Variants in ARHGAP10 observed in about 807,000 individuals in gnomAD.
The protein encoded by ARHGAP10 is Rho GTPase activating protein 10.
A neutral mutation model predicts 108.6 loss-of-function variants in ARHGAP10; 87 were observed. The observed-to-expected ratio is 0.80, with a 90% CI of 0.67 to 0.96. The LOEUF (loss-of-function observed/expected upper bound fraction) is 0.96, where lower values mean the gene tolerates loss of function less well. Among genes scored for constraint, ARHGAP10 ranks in the 40% least tolerant of loss-of-function variants. The pLI, the probability that ARHGAP10 is intolerant of heterozygous loss-of-function variation, is 0.00. For missense variants in ARHGAP10, 939 were observed against 954.5 expected, an observed-to-expected ratio of 0.98 and a Z score of 0.21; for synonymous variants, 347 against 341.1, an observed-to-expected ratio of 1.02 and a Z score of -0.19.
At chr4:147,994,023 C>A (rs1166586234) in intron 18 of ARHGAP10, among the ~76,000 whole-genome samples, 3 of 152,146 alleles carry the variant, frequency 2.0e-5, no homozygotes, top group Admixed American at 2.0e-4. Context: ...AATTAACTTG[C>A]CCAAGGTCAC....
chr4:148,017,993 C>T (rs1296500223), intron 18 of ARHGAP10, among the ~76,000 whole-genome samples: 1 of 152,116 alleles, frequency 6.6e-6, no homozygotes, highest in African/African-American at 2.4e-5. Flanking sequence ...ATCTGTCACT[C>T]TGAACAGCGG....
At chr4:147,828,810 T>A (rs1229848052) in intron 3 of ARHGAP10, among the ~76,000 whole-genome samples, 1 of 152,216 alleles carries the variant, frequency 6.6e-6, no homozygotes, top group Non-Finnish European at 1.5e-5. Flanking sequence ...AAAGTCAGTG[T>A]TTCCCTCCAC....
At chr4:147,793,389 G>A (rs1731199255) in intron 1 of ARHGAP10, among the ~76,000 whole-genome samples, 1 of 151,600 alleles carries the variant, frequency 6.6e-6, no homozygotes, top group South Asian at 2.1e-4. Context: ...ATGTGCCAGT[G>A]AAGAAAGAAC....
chr4:148,024,848 A>G (rs370487043), intron 19 of ARHGAP10, among the ~76,000 whole-genome samples: 4 of 152,220 alleles, frequency 2.6e-5, no homozygotes, highest in Non-Finnish European at 4.4e-5. Flanking sequence ...TGGAAGTGTT[A>G]ATAAATAGTG....
At chr4:147,746,481 A>C (rs935006488) in intron 1 of ARHGAP10, among the ~76,000 whole-genome samples, 6 of 148,702 alleles carry the variant, frequency 4.0e-5, no homozygotes, top group African/African-American at 1.5e-4. Flanking sequence ...GCTCACTGCA[A>C]CCTCCACCTC....
chr4:147,983,628 A>G (rs1739918388), intron 18 of ARHGAP10, among the ~76,000 whole-genome samples: 1 of 151,770 alleles, frequency 6.6e-6, no homozygotes, highest in South Asian at 2.1e-4. Context: ...AAATTCCTAT[A>G]GTGAATTTTT....
intron 1 of ARHGAP10, among the ~76,000 whole-genome samples, chr4:147,751,988 C>T (rs1248565334): frequency 1.3e-5 from 2 of 151,086 alleles, no homozygotes; most frequent in Admixed American, 1.3e-4. Flanking sequence ...CAGGTTCAAG[C>T]AATTCTCCTG....
chr4:147,834,389 A>G (rs1227914429), intron 3 of ARHGAP10, among the ~76,000 whole-genome samples: 1 of 152,118 alleles, frequency 6.6e-6, no homozygotes, highest in Non-Finnish European at 1.5e-5. Flanking sequence ...GGATTGCTTG[A>G]GCCTGGGAGG....
chr4:147,926,704 G>A (rs1387114039), intron 13 of ARHGAP10, among the ~76,000 whole-genome samples: 1 of 152,068 alleles, frequency 6.6e-6, no homozygotes, highest in Non-Finnish European at 1.5e-5. Flanking sequence ...GATGATGAGA[G>A]GAAGAAGAAT....
intron 3 of ARHGAP10, among the ~76,000 whole-genome samples, chr4:147,830,247 C>T (rs1049618485): frequency 6.6e-6 from 1 of 152,126 alleles, no homozygotes; most frequent in East Asian, 1.9e-4. Context: ...GACCTTTTGC[C>T]CCTATAGGGA....
At chr4:148,006,487 G>C (rs1450301292) in intron 18 of ARHGAP10, among the ~76,000 whole-genome samples, 1 of 152,146 alleles carries the variant, frequency 6.6e-6, no homozygotes, top group Non-Finnish European at 1.5e-5. Context: ...ACATTCCCAA[G>C]CCAGAATATT....
At chr4:147,887,442 T>TA (rs70958592) in intron 10 of ARHGAP10, among the ~76,000 whole-genome samples, 134,616 of 151,992 alleles carry the variant, frequency 0.89, 61,710 homozygotes, top group Non-Finnish European at 1. Flanking sequence ...TCATTCATCT[T>TA]AAAAAAACAA....
intron 1 of ARHGAP10, among the ~76,000 whole-genome samples, chr4:147,784,384 A>G (rs1730715505): frequency 7.8e-6 from 1 of 127,534 alleles, no homozygotes; most frequent in Non-Finnish European, 1.6e-5. Flanking sequence ...TAAATTATAT[A>G]TAATTTATAA....
chr4:148,061,145 A>G (rs1193502623), intron 20 of ARHGAP10, among the ~76,000 whole-genome samples: 1 of 151,970 alleles, frequency 6.6e-6, no homozygotes, highest in African/African-American at 2.4e-5. Context: ...CAATACCTAT[A>G]AAATTTATGC....
Position 147,839,092 on chromosome 4 carries a change from GTATCTATCTATCTATCTATC to G in ARHGAP10, c.313-8025_313-8006del, listed in dbSNP as rs139337846. On this transcript the variant is annotated intron_variant, in intron 3 of 22. Coordinates refer to ENST00000336498, the MANE Select transcript of ARHGAP10 (RefSeq NM_024605.4). Reference sequence around the variant, plus strand: ...AGATTCCTTTATGTTTAGATCTATCGTATCTATCTATCTATCTATCTATCTATCTATCTATCTATCTATCT... The same window carrying G: ...AGATTCCTTTATGTTTAGATCTATCGTATCTATCTATCTATCTATCTATCT... Among the ~76,000 whole-genome samples the G allele has an allele frequency of 3.0e-3, 428 of 143,892 alleles. 4 individuals carry two copies. The highest frequency in any genetic ancestry group is 0.01 in the African/African-American group (397 of 39,252). 94.4% of individuals were successfully genotyped at this position (143,892 alleles called of 152,430 possible).
rs7661589 is a variant in ARHGAP10, at chr4:147,880,555, A to G, written c.939+1217A>G. Among the ~76,000 whole-genome samples the G allele has an allele frequency of 1.0e-2, 1,521 of 152,312 alleles. 22 individuals are homozygous for G. The highest frequency in any genetic ancestry group is 0.034 in the African/African-American group (1,393 of 41,552). On this transcript the variant is annotated intron_variant, in intron 9 of 22. Coordinates refer to ENST00000336498, the MANE Select transcript of ARHGAP10 (RefSeq NM_024605.4). The stretch of plus-strand genomic sequence containing the variant: ...AATAATGATAAATATGTTATGGAAT[A>G]TAACTGTGAGATTTTGAATATTTGT...
intron 1 of ARHGAP10, among the ~76,000 whole-genome samples, chr4:147,801,002 C>T (rs373422094): frequency 3.9e-5 from 6 of 152,166 alleles, no homozygotes; most frequent in East Asian, 1.9e-4. Context: ...GACAGCGTTT[C>T]GCCATGTTGG....
intron 1 of ARHGAP10, among the ~76,000 whole-genome samples, chr4:147,768,300 T>G (rs1024309649): frequency 6.6e-6 from 1 of 152,186 alleles, no homozygotes; most frequent in African/African-American, 2.4e-5. Context: ...CATGGAGCTA[T>G]CTGAGGATGG....
intron 18 of ARHGAP10, among the ~76,000 whole-genome samples, chr4:148,019,603 A>C (rs1741485658): frequency 6.6e-6 from 1 of 151,982 alleles, no homozygotes; most frequent in South Asian, 2.1e-4. Flanking sequence ...TACAAAAATT[A>C]ACTGGGCATG....
Sources: gnomAD v4.1 joint callset for allele counts (sites outside exome capture counted in the v4.1 genomes callset) on GRCh38, gnomAD v4.1.1 for gene constraint, MANE v1.5 for transcripts, NCBI Gene and HGNC (gene_info 2026-07-23, HGNC 2026-07-21) for gene names.